MPND: variants seen among roughly 807,000 people sequenced by gnomAD.
MPND encodes MPN domain-containing protein.
MPND carries 56 observed loss-of-function variants against 59.2 expected under a neutral mutation model. That is an observed-to-expected ratio of 0.95 (90% confidence interval 0.76 to 1.18). MPND has a LOEUF of 1.18. MPND is among the 50% of genes most tolerant of loss of function. MPND has a pLI of 0.00. For missense variants in MPND, 671 were observed against 676.0 expected, an observed-to-expected ratio of 0.99 and a Z score of 0.08; for synonymous variants, 323 against 291.9, an observed-to-expected ratio of 1.11 and a Z score of -1.09.
Position 4,359,194 on chromosome 19 carries a change from CT to C in MPND, c.1359del (p.Asp454ThrfsTer3). The C allele has an allele frequency of 6.2e-7, 1 of 1,613,392 alleles. No homozygotes were observed. Among genetic ancestry groups the C allele is most frequent in the Non-Finnish European group, 8.5e-7 (1 of 1,179,728 alleles). ...CTGGTGGAGTTCTACAAGGGTTCCC[CT>C]GACCTCGTGAGGCTCCAGGAACCCT... ...MLLVEFYKGS[P>X]DLVRLQEPWS... On this transcript the variant is annotated frameshift_variant, in exon 12 of 13. Coordinates refer to ENST00000599840, the MANE Select transcript of MPND (RefSeq NM_001300862.2). LOFTEE classifies it high-confidence loss of function.
chr19:4,355,448 G>C (rs1387368665), intron 8 of MPND, among the ~76,000 whole-genome samples: 1 of 149,698 alleles, frequency 6.7e-6, no homozygotes, highest in Admixed American at 6.8e-5. Flanking sequence ...CCATTCTCCT[G>C]CCTCAGCCTC....
chr19:4,345,040 CTTTTTTTTTT>C (rs773615575), intron 2 of MPND, among the ~76,000 whole-genome samples: 7 of 66,456 alleles, frequency 1.1e-4, no homozygotes, highest in Non-Finnish European at 1.9e-4. Context: ...CATGCCCGGC[CTTTTTTTTTT>C]TTTTTTTTTT....
chr19:4,354,206 G>C (rs758518122), intron 5 of MPND, 77 bp downstream of exon 5: 53 of 1,530,756 alleles, frequency 3.5e-5, no homozygotes, highest in Non-Finnish European at 4.3e-5. Flanking sequence ...CAAGGGCAGG[G>C]GTGGGGGGTG....
rs1041755853 is a variant in MPND, at chr19:4,343,943, C to G, written c.243C>G (p.Leu81=). The change falls in exon 2 of 13, where the codon CTC becomes CTG. Residue 81 remains leucine, a synonymous_variant. Coordinates refer to ENST00000599840, the MANE Select transcript of MPND (RefSeq NM_001300862.2). ...GCGCGGTCACACTGCGGGTGCTCCT[C>G]AAAGACGCGCTGCTGGAGCCTGGCG... is the stretch of plus-strand genomic sequence containing the variant. ...TRRAVTLRVL[L]KDALLEPGAG... is the part of the protein sequence containing the mutation. The G allele has an allele frequency of 7.2e-6, 10 of 1,382,466 alleles. No individual in the cohort carries two copies. The highest frequency in any genetic ancestry group is 3.0e-5 in the African/African-American group (2 of 66,916). The allele number at this position is 1,382,466 out of a possible 1,614,324, so 85.6% of individuals were successfully genotyped here.
intron 9 of MPND, 41 bp downstream of exon 9, chr19:4,357,462 T>G (rs371185581): frequency 6.2e-7 from 1 of 1,609,424 alleles, no homozygotes; most frequent in Non-Finnish European, 8.5e-7. Flanking sequence ...GGAGGGGGGA[T>G]GCTGGGCCAG....
chr19:4,358,889 C>T lies in MPND; in HGVS notation c.1327-274C>T, dbSNP rs75938485. Among the ~76,000 whole-genome samples, 512 of 152,228 alleles carry T rather than the reference C, an allele frequency of 3.4e-3. 1 individual carries two copies. Among genetic ancestry groups the T allele is most frequent in the African/African-American group, 9.7e-3 (405 of 41,564 alleles). ...GAACCAGGGGGCCACGTCAGGCCCG[C>T]GTGGTTCTGGAGAACTGGGCTCGGT... On this transcript the variant is annotated intron_variant, in intron 11 of 12. Transcript: ENST00000599840.
chr19:4,345,040 CTTTTTT>C (rs773615575), intron 2 of MPND, among the ~76,000 whole-genome samples: 1 of 66,438 alleles, frequency 1.5e-5, no homozygotes, highest in Non-Finnish European at 2.8e-5. Context: ...CATGCCCGGC[CTTTTTT>C]TTTTTTTTTT....
intron 3 of MPND, among the ~76,000 whole-genome samples, chr19:4,352,123 A>T (rs1972332137): frequency 6.6e-6 from 1 of 152,056 alleles, no homozygotes; most frequent in Non-Finnish European, 1.5e-5. Context: ...CAGTGAGCCA[A>T]GATCGTGCCA....
Position 4,359,934 on chromosome 19 carries a change from A to G in MPND, c.1438A>G (p.Thr480Ala). The change falls in exon 13 of 13, where the codon ACG (threonine) becomes GCG (alanine). Residue 480 changes from threonine (T) to alanine (A), a missense_variant. Physicochemically the swap from Thr to Ala is moderately conservative, Grantham distance 58 (BLOSUM62 0). Transcript: ENST00000599840. ...DKLKISLASR[T>A]PKDQSLCHVL... ...GTTTCAGATCTCCTTGGCCAGCAGGACGCCCAAGGACCAGAGCCTGTGTCA... is the reference window on the plus strand; with the variant it reads ...GTTTCAGATCTCCTTGGCCAGCAGGGCGCCCAAGGACCAGAGCCTGTGTCA... 1 of 1,571,700 alleles carries G rather than the reference A, an allele frequency of 6.4e-7. No individual in the cohort carries two copies. Among genetic ancestry groups the G allele is most frequent in the Non-Finnish European group, 8.6e-7 (1 of 1,158,134 alleles).
At chr19:4,349,618 C>T (rs1327617911) in intron 3 of MPND, among the ~76,000 whole-genome samples, 1 of 152,012 alleles carries the variant, frequency 6.6e-6, no homozygotes, top group Non-Finnish European at 1.5e-5. Flanking sequence ...TCAGGCGATT[C>T]TCCTGCCTCA....
At chr19:4,359,847 G>C (rs930258035) in intron 12 of MPND, 69 bp from the exon 13 acceptor site, 5 of 1,301,460 alleles carry the variant, frequency 3.8e-6, no homozygotes. Context: ...GACTTGCACG[G>C]TGGACTGTGA....
Position 4,359,234 on chromosome 19 carries a change from C to T in MPND, c.1398C>T (p.His466=), listed in dbSNP as rs1249749474. 1.2e-6 allele frequency: 2 copies of T among 1,613,298 alleles called. No homozygotes were observed. Among genetic ancestry groups the T allele is most frequent in the Admixed American group, 1.7e-5 (1 of 60,016 alleles). ...TCCAGGAACCCTGGAGCCAGGAGCA[C>T]ACCTACCTCGACAAGCTTAAGGTGA... ...VRLQEPWSQE[H]TYLDKLKISL... is the part of the protein sequence containing the mutation. The change falls in exon 12 of 13, where the codon CAC becomes CAT. Residue 466 remains histidine (H), a synonymous_variant. Coordinates refer to ENST00000599840, the MANE Select transcript of MPND (RefSeq NM_001300862.2).
intron 12 of MPND, 39 bp downstream of exon 12, chr19:4,359,294 C>G: frequency 1.3e-6 from 2 of 1,490,922 alleles, no homozygotes; most frequent in Non-Finnish European, 1.9e-6. Context: ...AACGGGGCCC[C>G]AGGAGAGGCC....
intron 3 of MPND, among the ~76,000 whole-genome samples, chr19:4,350,121 G>T (rs1163360283): frequency 7.0e-6 from 1 of 142,824 alleles, no homozygotes; most frequent in Non-Finnish European, 1.5e-5. Flanking sequence ...TTTGAACGGA[G>T]AACTGAAGGT....
At position 4,359,145 on chromosome 19, in the gene MPND, T is replaced by C. The variant is rs1349108434; in HGVS notation, c.1327-18T>C. 1 of 1,582,616 alleles carries C rather than the reference T, an allele frequency of 6.3e-7. No individual in the cohort carries two copies. The highest frequency in any genetic ancestry group is 8.7e-7 in the Non-Finnish European group (1 of 1,152,086). The stretch of plus-strand genomic sequence containing the variant: ...GGCTTGGAGGGAGCCTGGGAGTCCA[T>C]GCTCCTCTGTCCTGTAGATGCTGCT... On this transcript the variant is annotated intron_variant, in intron 11 of 12. Coordinates refer to ENST00000599840, the MANE Select transcript of MPND (RefSeq NM_001300862.2).
rs2037172047 is a variant in MPND at position 4,343,890 on chromosome 19, G to A, written c.190G>A (p.Gly64Ser). Residue 64 changes from glycine to serine, a missense_variant, in exon 2 of 13, where the codon GGC becomes AGC. Physicochemically the swap from Gly to Ser is moderately conservative, Grantham distance 56. Coordinates refer to ENST00000599840, the MANE Select transcript of MPND (RefSeq NM_001300862.2). ...GGGGAGAGGC[G>S]GPGGALTRRA... is the part of the protein sequence containing the mutation. Reference sequence around the variant, plus strand: ...CGGCGGGGCCGGGGCGGGGGGCTGCGGCGGGCCCGGGGGCGCGCTCACCAG... The same window carrying A: ...CGGCGGGGCCGGGGCGGGGGGCTGCAGCGGGCCCGGGGGCGCGCTCACCAG... 8.0e-7 allele frequency: 1 copy of A among 1,242,312 alleles called. No individual in the cohort carries two copies. Among genetic ancestry groups the A allele is most frequent in the Non-Finnish European group, 1.0e-6 (1 of 997,850 alleles). The allele number at this position is 1,242,312 out of a possible 1,614,324, so 77.0% of individuals were successfully genotyped here. A position where few individuals can be genotyped will look rare whatever the true frequency, so the allele number is the denominator to read the frequency against.
chr19:4,352,889 C>T lies in MPND; in HGVS notation c.532-8C>T. On this transcript the variant is annotated splice_region_variant and splice_polypyrimidine_tract_variant and intron_variant, in intron 3 of 12. Coordinates refer to ENST00000599840, the MANE Select transcript of MPND (RefSeq NM_001300862.2). Reference sequence around the variant, plus strand: ...CCCACCGCTGTCCCTGACCCCTAACCCCTGCAGAGCCCAGCCAGTGAAGGG... The same window carrying T: ...CCCACCGCTGTCCCTGACCCCTAACTCCTGCAGAGCCCAGCCAGTGAAGGG... The T allele has an allele frequency of 7.3e-7, 1 of 1,368,802 alleles. No homozygotes were observed. 84.8% of individuals were successfully genotyped at this position (1,368,802 alleles called of 1,614,324 possible). A position where few individuals can be genotyped will look rare whatever the true frequency, so the allele number is the denominator to read the frequency against.
intron 8 of MPND, 194 bp from the exon 9 acceptor site, chr19:4,357,059 T>C: frequency 2.2e-6 from 1 of 465,074 alleles, no homozygotes; most frequent in Non-Finnish European, 3.6e-6. Context: ...ATCTTTTATA[T>C]TAAAAGAGGT....
At chr19:4,343,627 C>G in intron 1 of MPND, 27 bp downstream of exon 1, 1 of 779,852 alleles carries the variant, frequency 1.3e-6, no homozygotes, top group Non-Finnish European at 1.6e-6. Flanking sequence ...GGGGCGGAGG[C>G]GCGGGGCGCG....
Sources: gnomAD v4.1 joint callset for allele counts (sites outside exome capture counted in the v4.1 genomes callset) on GRCh38, gnomAD v4.1.1 for gene constraint, MANE v1.5 for transcripts, NCBI Gene and HGNC (gene_info 2026-07-23, HGNC 2026-07-21) for gene names.